The following NBAS variants were observed in gnomAD, a reference collection of about 807,000 sequenced individuals.
NBAS encodes the protein NBAS subunit of NRZ tethering complex, also known as NAG/BC035112 fusion.
A neutral mutation model predicts 302.5 loss-of-function variants in NBAS; 219 were observed. The observed-to-expected ratio is 0.72, with a 90% CI of 0.65 to 0.81. NBAS has a LOEUF of 0.81. Ranked by LOEUF, NBAS falls within the 30% of genes least tolerant of loss-of-function variation. The probability of loss-of-function intolerance (pLI) is 0.00; values close to 1 mark genes in which losing one functional copy is unlikely to be tolerated. For synonymous variants in NBAS, 1,118 were observed against 1,021.6 expected (o/e 1.09, Z -1.80); for missense variants, 2,932 against 2,841.6 (o/e 1.03, Z -0.72).
the NBAS span, among the ~76,000 whole-genome samples, chr2:14,954,610 T>C: frequency 6.6e-6 from 1 of 152,198 alleles, no homozygotes; most frequent in Non-Finnish European, 1.5e-5. Flanking sequence ...CTCACAGTTC[T>C]GTATGGCTGG....
chr2:14,910,095 C>T, the NBAS span, among the ~76,000 whole-genome samples: 3 of 152,028 alleles, frequency 2.0e-5, no homozygotes, highest in East Asian at 1.9e-4. Context: ...GGTTCATTTG[C>T]GTATGAGAAT....
At chr2:14,796,036 G>A in the NBAS span, among the ~76,000 whole-genome samples, 3 of 152,150 alleles carry the variant, frequency 2.0e-5, no homozygotes, top group South Asian at 6.2e-4. Context: ...ATTATATAAG[G>A]TAGTGTTAAA....
At chr2:15,463,805 A>AAAAAG (rs1679609864) in intron 19 of NBAS, among the ~76,000 whole-genome samples, 1 of 150,234 alleles carries the variant, frequency 6.7e-6, no homozygotes, top group Non-Finnish European at 1.5e-5. Flanking sequence ...AAAAAAAAAA[A>AAAAAG]GCACCAGGAA....
At chr2:15,059,482 C>T in the NBAS span, among the ~76,000 whole-genome samples, 2 of 152,116 alleles carry the variant, frequency 1.3e-5, no homozygotes, top group Non-Finnish European at 2.9e-5. Context: ...TAAGCAGATG[C>T]CCCCAGAAGG....
intron 44 of NBAS, among the ~76,000 whole-genome samples, chr2:15,250,843 G>A (rs374721309): frequency 2.0e-5 from 3 of 152,184 alleles, no homozygotes; most frequent in Non-Finnish European, 4.4e-5. Flanking sequence ...AAATAGGAAC[G>A]CTTTTACACT....
At chr2:15,038,817 C>T in the NBAS span, among the ~76,000 whole-genome samples, 2 of 152,180 alleles carry the variant, frequency 1.3e-5, no homozygotes, top group Non-Finnish European at 2.9e-5. Context: ...TGCTGCCTGG[C>T]CAGAGAGGAA....
the NBAS span, among the ~76,000 whole-genome samples, chr2:14,832,031 G>A: frequency 2.0e-5 from 3 of 152,162 alleles, no homozygotes; most frequent in African/African-American, 7.2e-5. Context: ...GCTAGTGATC[G>A]AGTAGTCTGG....
the NBAS span, among the ~76,000 whole-genome samples, chr2:14,983,485 A>T: frequency 1.3e-5 from 2 of 152,230 alleles, no homozygotes; most frequent in Non-Finnish European, 1.5e-5. Flanking sequence ...GGCAAGGAGA[A>T]TCAAATCCGT....
chr2:14,967,889 C>T, the NBAS span, among the ~76,000 whole-genome samples: 1 of 152,336 alleles, frequency 6.6e-6, no homozygotes, highest in African/African-American at 2.4e-5. Context: ...AGCCTCACCA[C>T]TCTTCCCCCA....
intron 48 of NBAS, among the ~76,000 whole-genome samples, chr2:15,210,999 G>A (rs186325254): frequency 1.9e-4 from 29 of 152,190 alleles, no homozygotes; most frequent in Admixed American, 1.7e-3. Context: ...GTGTTACAGG[G>A]GAAGTGGATG....
At chr2:15,005,830 C>G in the NBAS span, among the ~76,000 whole-genome samples, 59,384 of 152,054 alleles carry the variant, frequency 0.39, 12,295 homozygotes, top group African/African-American at 0.45. Flanking sequence ...ACCATATTGC[C>G]GTAGTTTTCA....
chr2:15,358,722 G>C (rs1230764651), intron 32 of NBAS, among the ~76,000 whole-genome samples: 1 of 152,140 alleles, frequency 6.6e-6, no homozygotes, highest in African/African-American at 2.4e-5. Context: ...TGGGATTAGA[G>C]GCATGAACCA....
At chr2:14,999,432 T>G in the NBAS span, among the ~76,000 whole-genome samples, 3 of 152,124 alleles carry the variant, frequency 2.0e-5, no homozygotes, top group Non-Finnish European at 4.4e-5. Flanking sequence ...AATCCTAATG[T>G]GTTGGAGCAG....
chr2:14,818,150 T>C, the NBAS span, among the ~76,000 whole-genome samples: 12 of 152,168 alleles, frequency 7.9e-5, no homozygotes, highest in African/African-American at 2.9e-4. Context: ...CACTCACCTC[T>C]GTCCACCAGC....
At chr2:14,969,796 G>T in the NBAS span, among the ~76,000 whole-genome samples, 1 of 152,058 alleles carries the variant, frequency 6.6e-6, no homozygotes, top group Admixed American at 6.6e-5. Flanking sequence ...TCCTTTCACT[G>T]TATACAAAAA....
At chr2:15,019,973 A>C in the NBAS span, among the ~76,000 whole-genome samples, 1 of 152,184 alleles carries the variant, frequency 6.6e-6, no homozygotes, top group Non-Finnish European at 1.5e-5. Flanking sequence ...CCTGACTAAG[A>C]TATCTTCCTA....
the NBAS span, among the ~76,000 whole-genome samples, chr2:15,062,214 G>C: frequency 6.6e-6 from 1 of 152,138 alleles, no homozygotes; most frequent in East Asian, 1.9e-4. Context: ...CAAGACTCAG[G>C]CTTTACAATC....
chr2:15,061,677 A>T, the NBAS span, among the ~76,000 whole-genome samples: 1 of 152,070 alleles, frequency 6.6e-6, no homozygotes, highest in African/African-American at 2.4e-5. Flanking sequence ...TTCGCCCAGG[A>T]CCCCAATAGC....
chr2:14,795,992 A>G, the NBAS span, among the ~76,000 whole-genome samples: 1 of 152,204 alleles, frequency 6.6e-6, no homozygotes, highest in Non-Finnish European at 1.5e-5. Context: ...GAAGTTTTGC[A>G]TTCAGGTCTA....
Sources: gnomAD v4.1 joint callset for allele counts (sites outside exome capture counted in the v4.1 genomes callset) on GRCh38, gnomAD v4.1.1 for gene constraint, MANE v1.5 for transcripts, NCBI Gene and HGNC (gene_info 2026-07-23, HGNC 2026-07-21) for gene names.